Variants in PFKP observed in about 807,000 individuals in gnomAD.
PFKP encodes the protein ATP-dependent 6-phosphofructokinase, platelet type.
In PFKP, 101 loss-of-function variants were observed where a neutral mutation model predicts 94.3. That is an observed-to-expected ratio of 1.07 (90% CI 0.91 to 1.26). The LOEUF (loss-of-function observed/expected upper bound fraction) is 1.26, where lower values mean the gene tolerates loss of function less well. Among genes scored for constraint, PFKP ranks in the 50% most tolerant of loss-of-function variants. The pLI is 0.00. For synonymous variants in PFKP, 573 were observed against 432.6 expected (o/e 1.32, Z -4.03); for missense variants, 1,145 against 1,103.3 (o/e 1.04, Z -0.53).
intron 2 of PFKP, among the ~76,000 whole-genome samples, chr10:3,094,338 A>C (rs1373333400): frequency 6.6e-6 from 1 of 152,228 alleles, no homozygotes; most frequent in Non-Finnish European, 1.5e-5. Flanking sequence ...CTGTTGCATT[A>C]TTGGTCTTCC....
intron 3 of PFKP, among the ~76,000 whole-genome samples, chr10:3,100,085 G>GTGTGTGT (rs1564296451): frequency 7.2e-6 from 1 of 139,408 alleles, no homozygotes. Flanking sequence ...GTGTGTGTGT[G>GTGTGTGT]AAAGAGAGTG....
intron 2 of PFKP, among the ~76,000 whole-genome samples, chr10:3,086,056 T>A (rs1204185859): frequency 6.6e-6 from 1 of 152,166 alleles, no homozygotes; most frequent in East Asian, 1.9e-4. Context: ...TCCTGAGAGC[T>A]GCTCTTAGTA....
intron 17 of PFKP, among the ~76,000 whole-genome samples, chr10:3,131,203 C>G (rs1451318710): frequency 6.6e-6 from 1 of 152,092 alleles, no homozygotes; most frequent in Non-Finnish European, 1.5e-5. Context: ...CAATTGCCTG[C>G]AGTATTCAAC....
intron 16 of PFKP, among the ~76,000 whole-genome samples, chr10:3,122,674 A>G (rs1431473883): frequency 1.3e-5 from 2 of 152,102 alleles, no homozygotes; most frequent in African/African-American, 2.4e-5. Context: ...GTCCGGCCAC[A>G]CCCTCTGTGA....
At chr10:3,129,774 G>A (rs376901994) in intron 16 of PFKP, 45 bp from the exon 17 acceptor site, 51 of 1,602,530 alleles carry the variant, frequency 3.2e-5, no homozygotes, top group Admixed American at 5.1e-5. Context: ...TGGTGGGCGC[G>A]CCCCGGGCCT....
At position 3,128,111 on chromosome 10, in the gene PFKP, C is replaced by T. The variant is rs527440559; in HGVS notation, c.1684-1708C>T. Among the ~76,000 whole-genome samples the T allele has an allele frequency of 9.6e-5, 13 of 135,080 alleles. 1 individual carries two copies. In the South Asian group the frequency reaches 3.2e-3, roughly 34 times the overall value. 88.6% of individuals were successfully genotyped at this position (135,080 alleles called of 152,430 possible). ...GCCGTTGACCAGGACGGACGGACGG[C>T]TGGCTGGGGAATACCATGCTTATGT... On this transcript the variant is annotated intron_variant, in intron 16 of 21. Transcript: ENST00000381125.
At chr10:3,101,078 G>A (rs538889479) in intron 3 of PFKP, 22 of 1,178,764 alleles carry the variant, frequency 1.9e-5, no homozygotes, top group Admixed American at 1.5e-4. Context: ...CTGTGACACC[G>A]CAGGCTGGTT....
At chr10:3,089,852 C>A (rs116399283) in intron 2 of PFKP, among the ~76,000 whole-genome samples, 1 of 151,930 alleles carries the variant, frequency 6.6e-6, no homozygotes, top group East Asian at 1.9e-4. Context: ...ATTAACCATC[C>A]TTCTTTACAC....
chr10:3,118,714 G>GC, intron 14 of PFKP, 68 bp from the exon 15 acceptor site: 1 of 1,114,976 alleles, frequency 9.0e-7, no homozygotes, highest in African/African-American at 1.5e-5. Flanking sequence ...GTGGGGACCG[G>GC]CGTGGCGTCC....
intron 8 of PFKP, 26 bp from the exon 9 acceptor site, chr10:3,108,675 C>T: frequency 1.3e-6 from 2 of 1,579,704 alleles, no homozygotes; most frequent in African/African-American, 2.7e-5. Flanking sequence ...CACAGTTCCG[C>T]ATCCTAACGA....
intron 16 of PFKP, among the ~76,000 whole-genome samples, chr10:3,121,137 T>C (rs932636755): frequency 6.6e-6 from 1 of 152,194 alleles, no homozygotes; most frequent in Non-Finnish European, 1.5e-5. Context: ...TTCTGAGCGT[T>C]TTAAACTTTC....
intron 2 of PFKP, among the ~76,000 whole-genome samples, chr10:3,090,152 T>G (rs891894395): frequency 1.3e-5 from 2 of 152,152 alleles, no homozygotes; most frequent in African/African-American, 4.8e-5. Context: ...AGTGGGTGCG[T>G]GGATAAAATG....
intron 13 of PFKP, among the ~76,000 whole-genome samples, chr10:3,114,402 G>A (rs1219263567): frequency 6.6e-6 from 1 of 152,148 alleles, no homozygotes; most frequent in African/African-American, 2.4e-5. Flanking sequence ...CACCCACCTT[G>A]GCCTCCCAAA....
intron 13 of PFKP, among the ~76,000 whole-genome samples, chr10:3,116,101 G>GAA (rs11419779): frequency 8.0e-4 from 121 of 151,038 alleles, no homozygotes; most frequent in Non-Finnish European, 1.3e-3. Context: ...ATTTATGTGG[G>GAA]AAAAAAAAGC....
chr10:3,091,194 C>A (rs1161024528), intron 2 of PFKP, among the ~76,000 whole-genome samples: 1 of 152,102 alleles, frequency 6.6e-6, no homozygotes, highest in Non-Finnish European at 1.5e-5. Context: ...ACCTGGTGAA[C>A]CAATTGTTGC....
At chr10:3,100,356 G>A (rs528050073) in intron 3 of PFKP, among the ~76,000 whole-genome samples, 96 of 152,262 alleles carry the variant, frequency 6.3e-4, no homozygotes, top group African/African-American at 2.2e-3. Flanking sequence ...TGCCAGTGAC[G>A]TAGGATCGTG....
intron 2 of PFKP, among the ~76,000 whole-genome samples, chr10:3,092,883 G>A (rs750290669): frequency 3.3e-5 from 5 of 152,108 alleles, no homozygotes; most frequent in Non-Finnish European, 5.9e-5. Context: ...GGGTGTGGGG[G>A]ACCTCTCCTA....
intron 16 of PFKP, among the ~76,000 whole-genome samples, chr10:3,120,294 G>A (rs3814589): frequency 0.23 from 34,989 of 151,820 alleles, 4,174 homozygotes; most frequent in East Asian, 0.36. Flanking sequence ...AGACTCCAGG[G>A]GTGCCCGTGA....
chr10:3,101,250 GA>G, intron 3 of PFKP, 114 bp from the exon 4 acceptor site: 1 of 914,858 alleles, frequency 1.1e-6, no homozygotes, highest in Non-Finnish European at 1.6e-6. Flanking sequence ...CTCACAAGAT[GA>G]AAATGAGAAA....
Sources: allele counts gnomAD v4.1 joint callset (sites outside exome capture counted in the v4.1 genomes callset), GRCh38; gene constraint gnomAD v4.1.1; transcripts MANE v1.5; gene names NCBI Gene and HGNC (gene_info 2026-07-23, HGNC 2026-07-21).